Variants in FHIT observed in about 807,000 individuals in gnomAD.
FHIT encodes the protein bis(5'-adenosyl)-triphosphatase.
In FHIT, 19 loss-of-function variants were observed where a neutral mutation model predicts 17.9. That is an observed-to-expected ratio of 1.06 (90% CI 0.74 to 1.56). The LOEUF (loss-of-function observed/expected upper bound fraction) is 1.56, where lower values mean the gene tolerates loss of function less well. Ranked by LOEUF, FHIT falls within the 40% of genes most tolerant of loss-of-function variation. The pLI, the probability that FHIT is intolerant of heterozygous loss-of-function variation, is 0.00. For synonymous variants in FHIT, 81 were observed against 69.7 expected (o/e 1.16, Z -0.81); for missense variants, 248 against 189.2 (o/e 1.31, Z -1.82).
At chr3:60,820,671 T>C (rs550785302) in intron 4 of FHIT, among the ~76,000 whole-genome samples, 99 of 152,336 alleles carry the variant, frequency 6.5e-4, no homozygotes, top group African/African-American at 2.2e-3. Context: ...GCACGAAGGA[T>C]AAGCTGGCTG....
chr3:61,072,308 A>T (rs2034832165), intron 2 of FHIT, among the ~76,000 whole-genome samples: 1 of 152,200 alleles, frequency 6.6e-6, no homozygotes, highest in Admixed American at 6.5e-5. Flanking sequence ...GCCTACTCAG[A>T]CCTAAGGCTT....
intron 5 of FHIT, among the ~76,000 whole-genome samples, chr3:60,375,773 T>C (rs1463551145): frequency 6.6e-6 from 1 of 152,016 alleles, no homozygotes; most frequent in Non-Finnish European, 1.5e-5. Context: ...AGATATCATA[T>C]CTAGGCTTAA....
At position 60,520,800 on chromosome 3, in the gene FHIT, T is replaced by G. The variant is rs557984819; in HGVS notation, c.103+16060A>C. On this transcript the variant is annotated intron_variant, in intron 5 of 9. Transcript: ENST00000492590. ...AGCATCTAGACTCATCTAAACCCCC[T>G]GAGGGTTTAATTTAAAACCACTATG... Among the ~76,000 whole-genome samples, 315 of 152,150 alleles carry G rather than the reference T, an allele frequency of 2.1e-3. 1 individual carries two copies. Among genetic ancestry groups the G allele is most frequent in the Non-Finnish European group, 3.6e-3 (246 of 68,022 alleles).
At chr3:60,270,709 T>C (rs1332430671) in intron 5 of FHIT, among the ~76,000 whole-genome samples, 1 of 152,180 alleles carries the variant, frequency 6.6e-6, no homozygotes. Context: ...AGCTCTAATA[T>C]TCAGTTTCAG....
rs373836918 is a variant in FHIT, at chr3:60,536,887, C to G, written c.76G>C (p.Val26Leu). Residue 26 changes from valine to leucine, a missense_variant, in exon 5 of 10, where the codon GTG becomes CTG. By Grantham distance (32) the Val-to-Leu change is conservative. Coordinates refer to ENST00000492590, the MANE Select transcript of FHIT (RefSeq NM_002012.4). Reference protein sequence around the residue: ...FLKTELSFALVNRKPVVPGHV... With the variant: ...FLKTELSFALLNRKPVVPGHV... The stretch of plus-strand genomic sequence containing the variant: ...CCTGGTACCACAGGTTTCCTATTCA[C>G]AAGAGCGAAGGACAGTTCTGTTTTG... The G allele has an allele frequency of 6.2e-7, 1 of 1,609,894 alleles. No homozygotes were observed.
intron 4 of FHIT, among the ~76,000 whole-genome samples, chr3:60,550,138 G>A (rs2036497255): frequency 6.6e-6 from 1 of 152,158 alleles, no homozygotes; most frequent in South Asian, 2.1e-4. Context: ...GAGGAACAAT[G>A]CCCTGTCATC....
intron 4 of FHIT, among the ~76,000 whole-genome samples, chr3:60,643,695 G>T (rs1399828389): frequency 2.0e-5 from 3 of 152,152 alleles, no homozygotes; most frequent in Non-Finnish European, 4.4e-5. Flanking sequence ...ATCACCTTAG[G>T]GTTGCAGTAT....
At chr3:60,184,675 C>CT (rs1481566668) in intron 5 of FHIT, among the ~76,000 whole-genome samples, 1 of 152,104 alleles carries the variant, frequency 6.6e-6, no homozygotes, top group Non-Finnish European at 1.5e-5. Context: ...AAGCTGTACA[C>CT]TTTGGACAAG....
intron 4 of FHIT, among the ~76,000 whole-genome samples, chr3:60,603,014 T>C (rs2038495451): frequency 6.6e-6 from 1 of 152,172 alleles, no homozygotes. Context: ...GTTTATGGTA[T>C]TTTGCTACAG....
intron 8 of FHIT, among the ~76,000 whole-genome samples, chr3:59,820,450 C>T (rs776697907): frequency 6.6e-6 from 1 of 152,166 alleles, no homozygotes. Context: ...CTACCCTTAG[C>T]AAAGAAGAGT....
At chr3:60,250,114 T>C (rs762006552) in intron 5 of FHIT, among the ~76,000 whole-genome samples, 3 of 149,886 alleles carry the variant, frequency 2.0e-5, no homozygotes. Context: ...GAGAAAAACG[T>C]AGAGAGAAAA....
intron 4 of FHIT, among the ~76,000 whole-genome samples, chr3:60,716,775 C>G (rs1553706916): frequency 1.3e-5 from 2 of 152,158 alleles, no homozygotes; most frequent in African/African-American, 4.8e-5. Flanking sequence ...TTTGTTTACA[C>G]CAGCATCACC....
chr3:60,971,071 A>G lies in FHIT; in HGVS notation c.-111+70976T>C, dbSNP rs186816776. 4.0e-3 allele frequency among the ~76,000 whole-genome samples: 614 copies of G among 152,338 alleles called. 5 individuals carry two copies. Among genetic ancestry groups the G allele is most frequent in the African/African-American group, 0.014 (594 of 41,578 alleles). ...ATGATGTCATTATCACACATACGAA[A>G]AAATAATGATAATGGGCCAGGCGCA... On this transcript the variant is annotated intron_variant, in intron 3 of 9. Transcript: ENST00000492590.
At chr3:60,991,694 A>G (rs1161653049) in intron 3 of FHIT, among the ~76,000 whole-genome samples, 2 of 152,202 alleles carry the variant, frequency 1.3e-5, no homozygotes, top group East Asian at 1.9e-4. Context: ...AAACTATAAT[A>G]ATAACTCTTC....
intron 3 of FHIT, among the ~76,000 whole-genome samples, chr3:60,989,925 C>A (rs1359168813): frequency 2.0e-5 from 3 of 152,126 alleles, no homozygotes; most frequent in African/African-American, 7.2e-5. Flanking sequence ...GAATCAGAGG[C>A]AAGGGACGCA....
At chr3:60,186,728 G>A (rs1702174625) in intron 5 of FHIT, among the ~76,000 whole-genome samples, 1 of 152,032 alleles carries the variant, frequency 6.6e-6, no homozygotes, top group Non-Finnish European at 1.5e-5. Context: ...CTAAGGTTGG[G>A]AAAGAGAAAT....
intron 5 of FHIT, among the ~76,000 whole-genome samples, chr3:60,505,328 G>A (rs1288372094): frequency 6.6e-6 from 1 of 152,136 alleles, no homozygotes; most frequent in Non-Finnish European, 1.5e-5. Flanking sequence ...GGTGAGTGTG[G>A]ACAGCTTACT....
intron 4 of FHIT, among the ~76,000 whole-genome samples, chr3:60,761,052 G>T (rs1351604187): frequency 6.6e-6 from 1 of 152,042 alleles, no homozygotes; most frequent in Non-Finnish European, 1.5e-5. Context: ...GTATGTAAAA[G>T]CCCAGCTCCT....
intron 7 of FHIT, among the ~76,000 whole-genome samples, chr3:59,946,937 T>C (rs1429481312): frequency 6.6e-6 from 1 of 152,210 alleles, no homozygotes; most frequent in Non-Finnish European, 1.5e-5. Flanking sequence ...CGGATTTTTA[T>C]ATCTATGTTC....
Sources: allele counts gnomAD v4.1 joint callset (sites outside exome capture counted in the v4.1 genomes callset), GRCh38; gene constraint gnomAD v4.1.1; transcripts MANE v1.5; gene names NCBI Gene and HGNC (gene_info 2026-07-23, HGNC 2026-07-21).